Variants in ZNF81 observed in about 807,000 individuals in gnomAD.
ZNF81 encodes the protein zinc finger protein 81.
ZNF81 carries 5 observed loss-of-function variants against 32.3 expected under a neutral mutation model. The observed-to-expected ratio is 0.15, with a 90% CI of 0.08 to 0.33. The LOEUF (loss-of-function observed/expected upper bound fraction) is 0.33, where lower values mean the gene tolerates loss of function less well. Ranked by LOEUF, ZNF81 falls within the 10% of genes least tolerant of loss-of-function variation. The probability of loss-of-function intolerance (pLI) is 1.00; values close to 1 mark genes in which losing one functional copy is unlikely to be tolerated. For missense variants in ZNF81, 379 were observed against 479.8 expected, an observed-to-expected ratio of 0.79 and a Z score of 1.96; for synonymous variants, 163 against 166.8, an observed-to-expected ratio of 0.98 and a Z score of 0.17.
At chrX:47,910,324 G>T (rs185572032) in intron 4 of ZNF81, among the ~76,000 whole-genome samples, 1,249 of 111,510 alleles carry the variant, frequency 0.011, 19 homozygotes, top group African/African-American at 0.04. Context: ...GAAAATTTTC[G>T]CAACCTGCTC....
intron 2 of ZNF81, among the ~76,000 whole-genome samples, chrX:47,858,974 C>G (rs1474209582): frequency 9.1e-6 from 1 of 109,607 alleles, no homozygotes; most frequent in Non-Finnish European, 1.9e-5. Context: ...CCTGTAATCC[C>G]AGCTACTTGG....
chrX:47,917,595 G>A lies in ZNF81; in HGVS notation c.*963G>A. 4.6e-6 allele frequency: 1 copy of A among 216,111 alleles called. No homozygotes were observed. 17.8% of individuals were successfully genotyped at this position (216,111 alleles called of 1,213,427 possible). A position where few individuals can be genotyped will look rare whatever the true frequency, so the allele number is the denominator to read the frequency against. ...CGGGGGTGAGGAGCCACCACATGGAGCAGTGGTGAGCCAGCCTTGCTGAGG... is the reference window on the plus strand; with the variant it reads ...CGGGGGTGAGGAGCCACCACATGGAACAGTGGTGAGCCAGCCTTGCTGAGG... On this transcript the variant is annotated 3_prime_UTR_variant, in exon 5 of 5. Coordinates refer to ENST00000338637, the MANE Select transcript of ZNF81 (RefSeq NM_007137.5).
intron 3 of ZNF81, among the ~76,000 whole-genome samples, chrX:47,894,208 A>C (rs2058672212): frequency 9.0e-6 from 1 of 111,346 alleles, no homozygotes. Flanking sequence ...ATCAGGGGTA[A>C]AGGGGGATTG....
intron 4 of ZNF81, among the ~76,000 whole-genome samples, chrX:47,908,379 G>C (rs1050615800): frequency 9.0e-6 from 1 of 111,402 alleles, no homozygotes; most frequent in East Asian, 2.8e-4. Context: ...ATTTAAGACT[G>C]ACAATTATCA....
At chrX:47,895,814 G>A in intron 3 of ZNF81, 31 bp from the exon 4 acceptor site, 1 of 1,101,094 alleles carries the variant, frequency 9.1e-7, no homozygotes, top group Non-Finnish European at 1.3e-6. Flanking sequence ...CAATTTGCTG[G>A]ACCCAATTCT....
At chrX:47,867,569 C>A (rs898169195) in intron 2 of ZNF81, among the ~76,000 whole-genome samples, 3 of 111,940 alleles carry the variant, frequency 2.7e-5, no homozygotes, top group African/African-American at 6.5e-5. Context: ...TAGTAAAATG[C>A]AGAGCAAGCA....
intron 2 of ZNF81, among the ~76,000 whole-genome samples, chrX:47,847,296 C>T (rs782648782): frequency 3.6e-5 from 4 of 111,191 alleles, no homozygotes; most frequent in Non-Finnish European, 5.7e-5. Context: ...CTTACTGCAA[C>T]CTCGAACTCC....
intron 2 of ZNF81, among the ~76,000 whole-genome samples, chrX:47,866,181 G>GC (rs1242200145): frequency 8.9e-6 from 1 of 112,029 alleles, no homozygotes; most frequent in Non-Finnish European, 1.9e-5. Context: ...TGCCACAGTT[G>GC]CAAGTGTGCT....
chrX:47,919,978 T>C lies in ZNF81; in HGVS notation c.*3346T>C, dbSNP rs1181570901. 3.6e-5 allele frequency: 4 copies of C among 112,024 alleles called. No homozygotes were observed. The highest frequency in any genetic ancestry group is 1.3e-4 in the African/African-American group (4 of 30,785). The allele number at this position is 112,024 out of a possible 1,213,427, so 9.2% of individuals were successfully genotyped here. On this transcript the variant is annotated 3_prime_UTR_variant, in exon 5 of 5. Coordinates refer to ENST00000338637, the MANE Select transcript of ZNF81 (RefSeq NM_007137.5). Reference sequence around the variant, plus strand: ...GCATCTAATAATTTTTGGCTGAATGTCACAGATGTTGTATGTAGGACAGTA... The same window carrying C: ...GCATCTAATAATTTTTGGCTGAATGCCACAGATGTTGTATGTAGGACAGTA...
At chrX:47,861,780 G>C (rs1338354863) in intron 2 of ZNF81, among the ~76,000 whole-genome samples, 1 of 111,987 alleles carries the variant, frequency 8.9e-6, no homozygotes, top group Non-Finnish European at 1.9e-5. Flanking sequence ...CTTTCTACTT[G>C]GCTTCAGGCC....
At chrX:47,887,871 CTAAG>C in intron 2 of ZNF81, 124 bp from the exon 3 acceptor site, 1 of 731,687 alleles carries the variant, frequency 1.4e-6, no homozygotes, top group Middle Eastern at 4.5e-4. Context: ...TATATATAAA[CTAAG>C]TATTTAATGG....
chrX:47,857,433 C>T (rs1166758270), intron 2 of ZNF81, among the ~76,000 whole-genome samples: 16 of 112,341 alleles, frequency 1.4e-4, no homozygotes, highest in Non-Finnish European at 2.8e-4. Flanking sequence ...AATCACCTTA[C>T]AAAATACATA....
intron 2 of ZNF81, among the ~76,000 whole-genome samples, chrX:47,848,949 A>G (rs2058482490): frequency 8.9e-6 from 1 of 112,059 alleles, no homozygotes; most frequent in South Asian, 3.7e-4. Context: ...TCTCTGTATG[A>G]TTAGGGTTTC....
chrX:47,876,250 A>G (rs1336277356), intron 2 of ZNF81, among the ~76,000 whole-genome samples: 1 of 112,776 alleles, frequency 8.9e-6, no homozygotes, highest in Non-Finnish European at 1.9e-5. Context: ...AGAGAATATA[A>G]ATCTTCTCAA....
chrX:47,877,178 C>T (rs1556884641), intron 2 of ZNF81, among the ~76,000 whole-genome samples: 1 of 110,180 alleles, frequency 9.1e-6, no homozygotes, highest in East Asian at 2.8e-4. Flanking sequence ...GCCTAAACCC[C>T]ATCAGTTGAA....
Position 47,923,171 on chromosome X carries a change from A to C in ZNF81, c.*6539A>C, listed in dbSNP as rs782093139. On this transcript the variant is annotated 3_prime_UTR_variant, in exon 5 of 5. Coordinates refer to ENST00000338637, the MANE Select transcript of ZNF81 (RefSeq NM_007137.5). ...CAAGAAGTTAATGCATATTGTGTAG[A>C]GCTCTTAGAACTATGCATGGAGAGA... Among the ~76,000 whole-genome samples, 6 of 111,476 alleles carry C rather than the reference A, an allele frequency of 5.4e-5. No individual in the cohort carries two copies. The highest frequency in any genetic ancestry group is 1.1e-4 in the Non-Finnish European group (6 of 53,081).
chrX:47,906,494 G>A (rs1314997316), intron 4 of ZNF81, among the ~76,000 whole-genome samples: 13 of 106,711 alleles, frequency 1.2e-4, no homozygotes, highest in Middle Eastern at 4.3e-3. Flanking sequence ...TTAAACAAAG[G>A]GTCAATGTCA....
chrX:47,851,554 A>G (rs1303993410), intron 2 of ZNF81, among the ~76,000 whole-genome samples: 1 of 111,981 alleles, frequency 8.9e-6, no homozygotes, highest in African/African-American at 3.2e-5. Context: ...TTTCTGAGAC[A>G]TTTTAAAATT....
chrX:47,889,337 T>C (rs1405684701), intron 3 of ZNF81, among the ~76,000 whole-genome samples: 1 of 111,874 alleles, frequency 8.9e-6, no homozygotes, highest in Non-Finnish European at 1.9e-5. Context: ...AAGCAGGAAA[T>C]GTGATGATAA....
Sources: gnomAD v4.1 joint callset for allele counts (sites outside exome capture counted in the v4.1 genomes callset) on GRCh38, gnomAD v4.1.1 for gene constraint, MANE v1.5 for transcripts, NCBI Gene and HGNC (gene_info 2026-07-23, HGNC 2026-07-21) for gene names.